The following APBB2 variants were observed in gnomAD, a reference collection of about 807,000 sequenced individuals.
The protein encoded by APBB2 is Fe65-like 1.
In APBB2, 38 loss-of-function variants were observed where a neutral mutation model predicts 82.5. That is an observed-to-expected ratio of 0.46 (90% CI 0.36 to 0.60). The LOEUF (loss-of-function observed/expected upper bound fraction) is 0.60. Among genes scored for constraint, APBB2 ranks in the 20% least tolerant of loss-of-function variants. The pLI is 0.00. For missense variants in APBB2, 772 were observed against 972.3 expected (o/e 0.79, Z 2.74); for synonymous variants, 341 against 368.2 (o/e 0.93, Z 0.85).
intron 6 of APBB2, among the ~76,000 whole-genome samples, chr4:40,984,573 C>A (rs536411249): frequency 4.3e-4 from 65 of 152,154 alleles, no homozygotes; most frequent in African/African-American, 1.6e-3. Context: ...GAATACAGGC[C>A]AGAAATGGTT....
intron 4 of APBB2, among the ~76,000 whole-genome samples, chr4:41,061,615 T>C (rs1351162423): frequency 1.3e-5 from 2 of 152,242 alleles, no homozygotes; most frequent in African/African-American, 4.8e-5. Flanking sequence ...CCATCATAGA[T>C]TGAAACATTG....
chr4:40,834,752 A>G (rs1166496741), intron 12 of APBB2, among the ~76,000 whole-genome samples: 3 of 152,228 alleles, frequency 2.0e-5, no homozygotes, highest in African/African-American at 7.2e-5. Flanking sequence ...GGCAGCCTCA[A>G]GAAGCTGGAA....
At chr4:41,177,045 T>C (rs1048692219) in intron 1 of APBB2, among the ~76,000 whole-genome samples, 2 of 151,284 alleles carry the variant, frequency 1.3e-5, no homozygotes, top group Non-Finnish European at 2.9e-5. Context: ...TGGGGGAAAC[T>C]GGGCTGATGT....
chr4:41,075,030 G>A (rs1560684252), intron 3 of APBB2, among the ~76,000 whole-genome samples: 1 of 152,082 alleles, frequency 6.6e-6, no homozygotes, highest in Non-Finnish European at 1.5e-5. Flanking sequence ...CTACCTGGGG[G>A]GCTGAGGCAG....
At chr4:40,888,740 C>A (rs911420109) in intron 12 of APBB2, among the ~76,000 whole-genome samples, 45 of 151,620 alleles carry the variant, frequency 3.0e-4, no homozygotes, top group African/African-American at 9.0e-4. Context: ...TTGGCTCCTG[C>A]CTCGCACACA....
chr4:41,141,312 GTC>G (rs552316987), intron 2 of APBB2, among the ~76,000 whole-genome samples: 7,598 of 43,242 alleles, frequency 0.18, 405 homozygotes, highest in East Asian at 0.36. Context: ...ATATGTGTGT[GTC>G]TGTGTGTGTG....
intron 6 of APBB2, among the ~76,000 whole-genome samples, chr4:40,987,938 TA>T (rs1417274998): frequency 2.0e-5 from 3 of 152,204 alleles, no homozygotes; most frequent in Admixed American, 6.5e-5. Flanking sequence ...TCCACCATAT[TA>T]AAATGAGATT....
At chr4:40,951,266 TTCTC>T (rs1400561136) in intron 6 of APBB2, among the ~76,000 whole-genome samples, 11 of 152,228 alleles carry the variant, frequency 7.2e-5, no homozygotes, top group Non-Finnish European at 1.3e-4. Flanking sequence ...GTATGGGTGT[TTCTC>T]TATGTATGTT....
intron 10 of APBB2, among the ~76,000 whole-genome samples, chr4:40,919,843 C>T (rs994603239): frequency 2.6e-5 from 4 of 152,208 alleles, no homozygotes; most frequent in Non-Finnish European, 5.9e-5. Flanking sequence ...TAGGCAATAG[C>T]GTCATCCCAT....
At chr4:41,120,775 T>C (rs1752571120) in intron 2 of APBB2, among the ~76,000 whole-genome samples, 1 of 152,250 alleles carries the variant, frequency 6.6e-6, no homozygotes, top group South Asian at 2.1e-4. Flanking sequence ...AATTGACTTC[T>C]GCATATTTCT....
At chr4:41,069,060 C>G (rs1732937732) in intron 3 of APBB2, among the ~76,000 whole-genome samples, 1 of 152,192 alleles carries the variant, frequency 6.6e-6, no homozygotes, top group Admixed American at 6.5e-5. Context: ...TCCCAAAGTG[C>G]TGGGATTACA....
In APBB2 at chr4:41,140,336, C is replaced by G. The variant is rs150982986; in HGVS notation, c.-261+2651G>C. Among the ~76,000 whole-genome samples, 937 of 152,282 alleles carry G rather than the reference C, an allele frequency of 6.2e-3. 9 individuals carry two copies. The highest frequency in any genetic ancestry group is 0.019 in the African/African-American group (779 of 41,552). ...TACTTTAACTATATGCTCTGGAAAG[C>G]CTTCCCTTCTTTTAGACTCAAAAAG... On this transcript the variant is annotated intron_variant, in intron 2 of 17. Coordinates refer to ENST00000508593, the MANE Select transcript of APBB2 (RefSeq NM_004307.2).
At chr4:40,993,283 T>C (rs1286894584) in intron 6 of APBB2, among the ~76,000 whole-genome samples, 2 of 152,036 alleles carry the variant, frequency 1.3e-5, no homozygotes, top group African/African-American at 4.8e-5. Flanking sequence ...ACAAATTCCA[T>C]TTTAGGGACA....
At chr4:41,032,232 C>T (rs560174487) in intron 5 of APBB2, among the ~76,000 whole-genome samples, 4 of 152,236 alleles carry the variant, frequency 2.6e-5, no homozygotes, top group East Asian at 1.9e-4. Context: ...AAACTCAGAA[C>T]TTGCTGAGCA....
intron 6 of APBB2, among the ~76,000 whole-genome samples, chr4:41,007,762 A>G (rs141136419): frequency 4.7e-4 from 71 of 152,350 alleles, no homozygotes; most frequent in African/African-American, 1.7e-3. Flanking sequence ...TCCAACCAGC[A>G]AATGAGTAAC....
intron 12 of APBB2, among the ~76,000 whole-genome samples, chr4:40,886,527 G>A (rs1192532161): frequency 1.3e-5 from 2 of 152,122 alleles, no homozygotes; most frequent in Non-Finnish European, 2.9e-5. Flanking sequence ...CTTGGCTTTG[G>A]TACTTCTGTA....
intron 10 of APBB2, among the ~76,000 whole-genome samples, chr4:40,900,478 T>G (rs891212279): frequency 1.3e-4 from 18 of 140,794 alleles, no homozygotes; most frequent in African/African-American, 4.3e-4. Context: ...TTTTTTAAGA[T>G]GGAGTCTCAC....
chr4:40,880,563 T>C (rs534937902), intron 12 of APBB2: 1 of 985,460 alleles, frequency 1.0e-6, no homozygotes, highest in South Asian at 4.7e-5. Flanking sequence ...TTTACATGGG[T>C]TGTTAGGCTA....
At chr4:41,082,492 T>G (rs150318891) in intron 3 of APBB2, among the ~76,000 whole-genome samples, 1 of 152,132 alleles carries the variant, frequency 6.6e-6, no homozygotes, top group African/African-American at 2.4e-5. Context: ...AGCTGTTAAT[T>G]TGAATTTATT....
Sources: gnomAD v4.1 joint callset for allele counts (sites outside exome capture counted in the v4.1 genomes callset) on GRCh38, gnomAD v4.1.1 for gene constraint, MANE v1.5 for transcripts, NCBI Gene and HGNC (gene_info 2026-07-23, HGNC 2026-07-21) for gene names.